Variants in GCC2 observed in about 807,000 individuals in gnomAD.
GCC2 encodes the protein GRIP and coiled-coil domain containing 2.
Under a neutral mutation model 210.6 loss-of-function variants are expected in GCC2, and 120 were observed. The observed-to-expected ratio is 0.57, with a 90% CI of 0.49 to 0.66. The LOEUF is 0.66. Among genes scored for constraint, GCC2 ranks in the 30% least tolerant of loss-of-function variants. The pLI is 0.00. For synonymous variants in GCC2, 703 were observed against 652.7 expected (o/e 1.08, Z -1.17); for missense variants, 1,868 against 1,871.9 (o/e 1.00, Z 0.04).
At chr2:108,466,209 G>C (rs2577609) in intron 4 of GCC2, among the ~76,000 whole-genome samples, 1 of 151,966 alleles carries the variant, frequency 6.6e-6, no homozygotes, top group Non-Finnish European at 1.5e-5. Context: ...GTAGTTTGCA[G>C]ATATTTTCTC....
chr2:108,470,050 CT>C lies in GCC2; in HGVS notation c.725del (p.Leu242TyrfsTer3), dbSNP rs1681107227. The C allele has an allele frequency of 6.2e-7, 1 of 1,613,346 alleles. No homozygotes were observed. Among genetic ancestry groups the C allele is most frequent in the Admixed American group, 1.7e-5 (1 of 59,926 alleles). Reference sequence around the variant, plus strand: ...AAATATTAATAGTTTGCAGGAAGAGCTTTTACAGTTGAAAGCTATACACCAA... The same window carrying C: ...AAATATTAATAGTTTGCAGGAAGAGCTTTACAGTTGAAAGCTATACACCAA... Reference protein sequence around the residue: ...QKNINSLQEELLQLKAIHQEE... With the variant: ...QKNINSLQEEXLQLKAIHQEE... On this transcript the variant is annotated frameshift_variant, in exon 6 of 23. Transcript: ENST00000309863. LOFTEE classifies it high-confidence loss of function.
chr2:108,494,511 G>A (rs1288291396), intron 19 of GCC2: 1 of 152,234 alleles, frequency 6.6e-6, no homozygotes, highest in Non-Finnish European at 1.5e-5. Flanking sequence ...CAATTAAGAA[G>A]CTGCAGAGGT....
intron 4 of GCC2, among the ~76,000 whole-genome samples, chr2:108,456,124 A>G (rs1308695771): frequency 2.0e-5 from 3 of 152,160 alleles, no homozygotes; most frequent in African/African-American, 7.2e-5. Flanking sequence ...AGCTGGGACT[A>G]CAGGCGCCGG....
In GCC2 at chr2:108,470,706, A is replaced by G. The variant is rs775957002; in HGVS notation, c.1377A>G (p.Ile459Met). The change falls in exon 6 of 23, where the codon ATA (isoleucine) becomes ATG (methionine). Residue 459 changes from isoleucine (I) to methionine (M), a missense_variant. This residue lies in a region of GCC2 where 1,847 missense variants were observed against 1,765.2 expected (regional missense o/e 1.05). Coordinates refer to ENST00000309863, the MANE Select transcript of GCC2 (RefSeq NM_181453.4). ...AAAAATTAACATTAATGTTTGAAAT[A>G]CAGGGTCTTAAGGAACAGTGTGAAA... ...EKEKLTLMFE[I>M]QGLKEQCENL... 1.3e-5 allele frequency: 21 copies of G among 1,610,756 alleles called. No individual in the cohort carries two copies. In the Admixed American group the frequency reaches 2.2e-4, roughly 17 times the overall value.
At chr2:108,482,493 C>G (rs1180922743) in intron 11 of GCC2, 42 bp downstream of exon 11, 2 of 940,030 alleles carry the variant, frequency 2.1e-6, no homozygotes, top group Non-Finnish European at 3.3e-6. Flanking sequence ...ATATATGATG[C>G]ATTTACCAAA....
At chr2:108,496,876 A>G (rs1354651648) in intron 20 of GCC2, 94 bp from the exon 21 acceptor site, 106 of 1,545,454 alleles carry the variant, frequency 6.9e-5, no homozygotes, top group Admixed American at 2.1e-4. Context: ...AAAATATCAC[A>G]TAGTAAGATA....
rs763147628 is a variant in GCC2 at position 108,495,305 on chromosome 2, C to G, written c.4462C>G (p.Gln1488Glu). ...AAATCTAATAGGCCCAGTTTCCTCT[C>G]AACAATCTTTGAAGAACCTTCGAGA... ...EPTTRSPVSS[Q>E]QSLKNLRERR... Residue 1488 changes from glutamine to glutamate, a missense_variant, in exon 20 of 23, where the codon CAA becomes GAA. Transcript: ENST00000309863. 3 of 1,577,220 alleles carry G rather than the reference C, an allele frequency of 1.9e-6. No homozygotes were observed. The highest frequency in any genetic ancestry group is 3.5e-5 in the Admixed American group (2 of 57,060).
intron 10 of GCC2, 89 bp from the exon 11 acceptor site, chr2:108,482,198 C>T: frequency 4.1e-6 from 3 of 738,618 alleles, no homozygotes. Context: ...TCACACTATG[C>T]CAATATTCTC....
chr2:108,498,101 T>C lies in GCC2; in HGVS notation c.4782+992T>C, dbSNP rs1316121635. On this transcript the variant is annotated intron_variant, in intron 21 of 22. Coordinates refer to ENST00000309863, the MANE Select transcript of GCC2 (RefSeq NM_181453.4). ...TGCATCTCTATAAAATAACATTTTCTGACTAATAAAAACATTATCGTAGCT... is the reference window on the plus strand; with the variant it reads ...TGCATCTCTATAAAATAACATTTTCCGACTAATAAAAACATTATCGTAGCT... Among the ~76,000 whole-genome samples the C allele has an allele frequency of 1.6e-4, 24 of 151,882 alleles. No homozygotes were observed. In the East Asian group the frequency reaches 2.1e-3, roughly 13 times the overall value.
Position 108,489,966 on chromosome 2 carries a change from A to C in GCC2, c.4181A>C (p.Asn1394Thr). 3 of 1,611,304 alleles carry C rather than the reference A, an allele frequency of 1.9e-6. No individual in the cohort carries two copies. The highest frequency in any genetic ancestry group is 4.5e-5 in the East Asian group (2 of 44,466). Residue 1394 changes from asparagine (N) to threonine (T), a missense_variant, in exon 18 of 23, where the codon AAC (asparagine) becomes ACC (threonine). By Grantham distance (65) the Asn-to-Thr change is moderately conservative (BLOSUM62 0). Around this residue, in one of 3 missense-constraint regions of GCC2, gnomAD observed 1,847 missense variants for 1,765.2 expected, o/e 1.05. Coordinates refer to ENST00000309863, the MANE Select transcript of GCC2 (RefSeq NM_181453.4). ...SEHDTLLERH[N>T]KMLQETVSKE... ...CATGATACACTGCTAGAAAGGCACA[A>C]CAAGATGCTGCAGGAAACTGTGTCC...
intron 4 of GCC2, among the ~76,000 whole-genome samples, chr2:108,464,812 G>T (rs1369979620): frequency 6.6e-6 from 1 of 152,148 alleles, no homozygotes; most frequent in East Asian, 1.9e-4. Flanking sequence ...AAGAAAAGAG[G>T]TTTAATTCGT....
rs147654490 is a variant in GCC2 at position 108,470,685 on chromosome 2, A to G, written c.1356A>G (p.Lys452=). The G allele has an allele frequency of 2.3e-5, 37 of 1,610,104 alleles. No homozygotes were observed. The highest frequency in any genetic ancestry group is 3.1e-5 in the Non-Finnish European group (37 of 1,178,212). ...TTTTGTCAGATTCAGAAAAAGAAAA[A>G]TTAACATTAATGTTTGAAATACAGG... The part of the protein sequence containing the change: ...ETFLSDSEKE[K]LTLMFEIQGL... The change falls in exon 6 of 23, where the codon AAA becomes AAG. Residue 452 remains lysine, a synonymous_variant. Coordinates refer to ENST00000309863, the MANE Select transcript of GCC2 (RefSeq NM_181453.4).
At chr2:108,487,962 A>C (rs371580362) in intron 17 of GCC2, 142 bp downstream of exon 17, 2 of 784,268 alleles carry the variant, frequency 2.6e-6, no homozygotes, top group African/African-American at 1.9e-5. Context: ...GCTGGAGTGC[A>C]GTGGTGCAAT....
At chr2:108,461,705 T>C (rs977358822) in intron 4 of GCC2, among the ~76,000 whole-genome samples, 6 of 151,988 alleles carry the variant, frequency 3.9e-5, no homozygotes, top group Admixed American at 3.3e-4. Flanking sequence ...GGTTTCACCA[T>C]GTTGGCCAGG....
At chr2:108,476,209 G>A (rs557961427) in intron 9 of GCC2, among the ~76,000 whole-genome samples, 22 of 151,834 alleles carry the variant, frequency 1.4e-4, no homozygotes, top group Non-Finnish European at 2.5e-4. Context: ...ACAGGTGCGC[G>A]CCACCATGCC....
chr2:108,459,493 A>G (rs1181268049), intron 4 of GCC2, among the ~76,000 whole-genome samples: 1 of 152,174 alleles, frequency 6.6e-6, no homozygotes, highest in Non-Finnish European at 1.5e-5. Context: ...AACATCTGTT[A>G]GGTCCATTTG....
chr2:108,489,514 C>CAA (rs776052483), intron 17 of GCC2, among the ~76,000 whole-genome samples: 3 of 136,582 alleles, frequency 2.2e-5, no homozygotes, highest in South Asian at 2.3e-4. Context: ...GACTCCATCT[C>CAA]AAAAAAAAAA....
In GCC2 at chr2:108,502,469, C is replaced by G. The variant is rs573628220; in HGVS notation, c.4984+2715C>G. On this transcript the variant is annotated intron_variant, in intron 22 of 22. Coordinates refer to ENST00000309863, the MANE Select transcript of GCC2 (RefSeq NM_181453.4). The stretch of plus-strand genomic sequence containing the variant: ...CCCAGAACTCTAAGATGTGCATTTG[C>G]TAAGTCCTGTAAACAGACAGGAAAA... Among the ~76,000 whole-genome samples the G allele has an allele frequency of 5.6e-4, 85 of 152,292 alleles. No homozygotes were observed. The East Asian group carries it at 0.015, about 26-fold the overall frequency.
rs574550181 is a variant in GCC2 at position 108,462,297 on chromosome 2, C to T, written c.217-6683C>T. Among the ~76,000 whole-genome samples the T allele has an allele frequency of 5.5e-5, 8 of 146,702 alleles. 1 individual carries two copies. The South Asian group carries it at 1.8e-3, about 32-fold the overall frequency. Reference sequence around the variant, plus strand: ...CATGAGGTCAGGAGATCGACACCACCCTGGCTAACACAGTGAAACCCCGTC... The same window carrying T: ...CATGAGGTCAGGAGATCGACACCACTCTGGCTAACACAGTGAAACCCCGTC... On this transcript the variant is annotated intron_variant, in intron 4 of 22. Transcript: ENST00000309863.
Sources: gnomAD v4.1 joint callset for allele counts (sites outside exome capture counted in the v4.1 genomes callset) on GRCh38, gnomAD v4.1.1 for gene constraint, gnomAD v4.1.1 regional missense constraint, MANE v1.5 for transcripts, NCBI Gene and HGNC (gene_info 2026-07-23, HGNC 2026-07-21) for gene names.